PDCD6: variants seen among roughly 807,000 people sequenced by gnomAD.
The protein encoded by PDCD6 is programmed cell death 6.
Under a neutral mutation model 28.3 loss-of-function variants are expected in PDCD6, and 12 were observed. That is an observed-to-expected ratio of 0.42 (90% CI 0.27 to 0.69). PDCD6 has a LOEUF of 0.69. Among genes scored for constraint, PDCD6 ranks in the 30% least tolerant of loss-of-function variants. The pLI is 0.22. For missense variants in PDCD6, 226 were observed against 269.9 expected, an observed-to-expected ratio of 0.84 and a Z score of 1.14; for synonymous variants, 92 against 108.0, an observed-to-expected ratio of 0.85 and a Z score of 0.92.
intron 2 of PDCD6, among the ~76,000 whole-genome samples, chr5:294,260 CACAA>C (rs975477679): frequency 7.0e-5 from 10 of 142,978 alleles, no homozygotes; most frequent in African/African-American, 2.9e-4. Context: ...GAGAATGAAA[CACAA>C]ACCATGGTCT....
At chr5:311,248 C>T in intron 4 of PDCD6, 45 bp from the exon 5 acceptor site, 1 of 1,447,446 alleles carries the variant, frequency 6.9e-7, no homozygotes, top group Non-Finnish European at 9.7e-7. Flanking sequence ...GCACATACCT[C>T]CCGTCTCTCC....
In PDCD6 at chr5:307,461, CAT is replaced by C. The variant is rs570398519; in HGVS notation, c.367+702_367+703del. Among the ~76,000 whole-genome samples, 93 of 152,300 alleles carry C rather than the reference CAT, an allele frequency of 6.1e-4. No homozygotes were observed. The highest frequency in any genetic ancestry group is 3.4e-3 in the Middle Eastern group (1 of 294). The stretch of plus-strand genomic sequence containing the variant: ...TGTGCTTGACGCGTGTGCACACACA[CAT>C]GTGACGGTGTGCCGTGGGTCTAGGA... On this transcript the variant is annotated intron_variant, in intron 4 of 5. Coordinates refer to ENST00000264933, the MANE Select transcript of PDCD6 (RefSeq NM_013232.4). The surrounding 1 kb of genome is among the most constrained non-coding windows in gnomAD (Gnocchi z 6.1).
rs1160387267 is a variant in PDCD6 at position 276,359 on chromosome 5, T to A, written c.163+3587T>A. 3.8e-6 allele frequency: 4 copies of A among 1,040,604 alleles called. No homozygotes were observed. The African/African-American group carries it at 5.1e-5, about 13-fold the overall frequency. 64.5% of individuals were successfully genotyped at this position (1,040,604 alleles called of 1,614,324 possible). A position where few individuals can be genotyped will look rare whatever the true frequency, so the allele number is the denominator to read the frequency against. On this transcript the variant is annotated intron_variant, in intron 2 of 5. Transcript: ENST00000264933. The stretch of plus-strand genomic sequence containing the variant: ...TTCATAGTTCCCTCTCACTACTAGG[T>A]TGTGAGCTGCGTGAAGGAAGGTTCA...
chr5:307,597 G>A lies in PDCD6; in HGVS notation c.367+837G>A, dbSNP rs1042703954. Among the ~76,000 whole-genome samples the A allele has an allele frequency of 3.9e-5, 6 of 152,122 alleles. No homozygotes were observed. The highest frequency in any genetic ancestry group is 1.4e-4 in the African/African-American group (6 of 41,432). On this transcript the variant is annotated intron_variant, in intron 4 of 5. Transcript: ENST00000264933. The surrounding 1 kb of genome is among the most constrained non-coding windows in gnomAD (Gnocchi z 6.1). ...GGGGTTTTATTTACAGAGGAACAAC[G>A]GGCATGTTTGGGGCCAGCCTGAGGC... is the stretch of plus-strand genomic sequence containing the variant.
intron 4 of PDCD6, chr5:309,555 G>A (rs1384830059): frequency 8.1e-6 from 2 of 247,098 alleles, no homozygotes; most frequent in Non-Finnish European, 1.6e-5. Context: ...CAGGAGACCA[G>A]TAATGACCTC....
intron 2 of PDCD6, chr5:289,726 T>C (rs1739201401): frequency 3.5e-6 from 3 of 857,694 alleles, no homozygotes; most frequent in Non-Finnish European, 4.1e-6. Flanking sequence ...ATTTACCTCT[T>C]TGCTGTCTGT....
At position 280,222 on chromosome 5, in the gene PDCD6, A is replaced by T. The variant is rs1738480501; in HGVS notation, c.163+7450A>T. ...AGCCCGGGAAAGGCACCCTAGGCAG[A>T]GGGCACAGCAGGGCAAAGGCCTGGA... On this transcript the variant is annotated intron_variant, in intron 2 of 5. Transcript: ENST00000264933. Among the ~76,000 whole-genome samples, 3 of 152,186 alleles carry T rather than the reference A, an allele frequency of 2.0e-5. No individual in the cohort carries two copies. In the South Asian group the frequency reaches 6.2e-4, roughly 32 times the overall value.
chr5:281,685 A>G (rs1281454543), intron 2 of PDCD6, among the ~76,000 whole-genome samples: 1 of 151,786 alleles, frequency 6.6e-6, no homozygotes, highest in Non-Finnish European at 1.5e-5. Context: ...TTCTAGTTTG[A>G]TGGTTGTGCA....
intron 2 of PDCD6, among the ~76,000 whole-genome samples, chr5:275,544 A>G (rs1283492538): frequency 3.3e-5 from 5 of 152,212 alleles, no homozygotes; most frequent in Admixed American, 2.6e-4. Context: ...CAGTAATGAG[A>G]GTTTAGAGTA....
At position 311,353 on chromosome 5, in the gene PDCD6, G is replaced by C. The variant is rs183545231; in HGVS notation, c.428G>C (p.Arg143Pro). The C allele has an allele frequency of 6.2e-7, 1 of 1,613,874 alleles. No individual in the cohort carries two copies. The highest frequency in any genetic ancestry group is 1.7e-5 in the Admixed American group (1 of 59,994). Residue 143 changes from arginine (R) to proline (P), a missense_variant, in exon 5 of 6, where the codon CGG (arginine) becomes CCG (proline). Arg to Pro is a moderately radical substitution (Grantham distance 103). Coordinates refer to ENST00000264933, the MANE Select transcript of PDCD6 (RefSeq NM_013232.4). The part of the protein sequence containing the change: ...ILIRKFDRQG[R>P]GQIAFDDFIQ... ...ATTCGAAAGTTTGACAGGCAGGGAC[G>C]GGGGCAGATTGCCTTCGACGACTTC...
chr5:299,769 T>C (rs1739923085), intron 2 of PDCD6, among the ~76,000 whole-genome samples: 1 of 152,218 alleles, frequency 6.6e-6, no homozygotes, highest in Non-Finnish European at 1.5e-5. Context: ...CAGGATGGTC[T>C]CGATCTCCTC....
chr5:296,269 C>A (rs182697291), intron 2 of PDCD6, among the ~76,000 whole-genome samples: 56 of 152,292 alleles, frequency 3.7e-4, no homozygotes, highest in African/African-American at 1.3e-3. Flanking sequence ...AGATAAGGCC[C>A]AGAATCCAGT....
intron 2 of PDCD6, among the ~76,000 whole-genome samples, chr5:286,978 T>G (rs1285358692): frequency 3.3e-5 from 5 of 151,974 alleles, no homozygotes; most frequent in African/African-American, 1.2e-4. Flanking sequence ...TGTTCTAGTT[T>G]GTGGGTCGTG....
At position 306,420 on chromosome 5, in the gene PDCD6, C is replaced by T. The variant is rs548879182; in HGVS notation, c.209-182C>T. Reference sequence around the variant, plus strand: ...CAATCCCCCACACCCCCACCCAGGGCGAAGGTGACAAGACTTTAAGGGATT... The same window carrying T: ...CAATCCCCCACACCCCCACCCAGGGTGAAGGTGACAAGACTTTAAGGGATT... On this transcript the variant is annotated intron_variant, in intron 3 of 5. Transcript: ENST00000264933. The T allele has an allele frequency of 3.8e-4, 232 of 607,496 alleles. 1 individual carries two copies. The highest frequency in any genetic ancestry group is 3.2e-3 in the South Asian group (171 of 53,352). The allele number at this position is 607,496 out of a possible 1,614,324, so 37.6% of individuals were successfully genotyped here. A position where few individuals can be genotyped will look rare whatever the true frequency, so the allele number is the denominator to read the frequency against.
intron 2 of PDCD6, among the ~76,000 whole-genome samples, chr5:302,194 TG>T (rs1740119763): frequency 3.2e-5 from 1 of 31,510 alleles, no homozygotes. Flanking sequence ...AGTGCTGCTG[TG>T]TGTGTGTGTG....
chr5:284,752 C>T (rs1319475906), intron 2 of PDCD6, among the ~76,000 whole-genome samples: 3 of 141,982 alleles, frequency 2.1e-5, no homozygotes, highest in Non-Finnish European at 3.1e-5. Context: ...GGAGACACCG[C>T]GGGGAGCTCA....
intron 5 of PDCD6, among the ~76,000 whole-genome samples, chr5:313,406 GA>G (rs961356651): frequency 5.3e-5 from 8 of 152,198 alleles, no homozygotes; most frequent in Non-Finnish European, 8.8e-5. Flanking sequence ...GGAGTTGGGT[GA>G]GGCCGTAGCC....
chr5:303,588 T>C (rs1740270451), intron 2 of PDCD6, among the ~76,000 whole-genome samples: 1 of 151,828 alleles, frequency 6.6e-6, no homozygotes, highest in Admixed American at 6.6e-5. Context: ...GCCCAGACCG[T>C]AATTTGTCAG....
At chr5:313,122 A>G (rs1010999607) in intron 5 of PDCD6, among the ~76,000 whole-genome samples, 6 of 152,174 alleles carry the variant, frequency 3.9e-5, no homozygotes, top group Admixed American at 6.5e-5. Flanking sequence ...CTGACAGCCA[A>G]TTCCCAGGCT....
Sources: allele counts gnomAD v4.1 joint callset (sites outside exome capture counted in the v4.1 genomes callset), GRCh38; gene constraint gnomAD v4.1.1; non-coding constraint Gnocchi (gnomAD v3.1); transcripts MANE v1.5; gene names NCBI Gene and HGNC (gene_info 2026-07-23, HGNC 2026-07-21).